The following TMEM117 variants were observed in gnomAD, a reference collection of about 807,000 sequenced individuals.
TMEM117 encodes the protein transmembrane protein 117.
A neutral mutation model predicts 52.4 loss-of-function variants in TMEM117; 27 were observed. The ratio of observed to expected loss-of-function variants is 0.51; its 90% CI spans 0.38 to 0.71. The LOEUF is 0.71. Ranked by LOEUF, TMEM117 falls within the 30% of genes least tolerant of loss-of-function variation. The pLI is 0.00. For missense variants in TMEM117, 556 were observed against 630.5 expected, an observed-to-expected ratio of 0.88 and a Z score of 1.26; for synonymous variants, 215 against 206.3, an observed-to-expected ratio of 1.04 and a Z score of -0.36.
the TMEM117 span, among the ~76,000 whole-genome samples, chr12:43,798,241 T>C: frequency 4.6e-5 from 7 of 152,150 alleles, no homozygotes; most frequent in Non-Finnish European, 7.4e-5. Flanking sequence ...ACAAACATCA[T>C]GCACTGAATT....
chr12:43,810,923 C>G, the TMEM117 span, among the ~76,000 whole-genome samples: 1 of 152,146 alleles, frequency 6.6e-6, no homozygotes, highest in East Asian at 1.9e-4. Context: ...TTAACTCTTA[C>G]ATTTTATGTT....
intron 3 of TMEM117, among the ~76,000 whole-genome samples, chr12:43,962,267 T>C (rs1945416411): frequency 6.6e-6 from 1 of 152,216 alleles, no homozygotes; most frequent in Non-Finnish European, 1.5e-5. Context: ...CTCTATTTCA[T>C]TTGCCTTTAG....
chr12:44,347,291 G>A lies in TMEM117; in HGVS notation c.769-29304G>A, dbSNP rs571622358. Among the ~76,000 whole-genome samples, 10 of 152,170 alleles carry A rather than the reference G, an allele frequency of 6.6e-5. No homozygotes were observed. The East Asian group carries it at 1.9e-3, about 30-fold the overall frequency. ...TAACCTCTACTTAGGGTACATAGAT[G>A]TAGAAATAAATATGAGTGCCAGAAA... On this transcript the variant is annotated intron_variant, in intron 6 of 7. Transcript: ENST00000266534.
chr12:44,199,615 C>T (rs1949466345), intron 4 of TMEM117, among the ~76,000 whole-genome samples: 1 of 152,086 alleles, frequency 6.6e-6, no homozygotes, highest in Admixed American at 6.6e-5. Flanking sequence ...GCACAAGGAA[C>T]TAAAAGAATG....
At chr12:44,084,420 C>T (rs891981331) in intron 3 of TMEM117, among the ~76,000 whole-genome samples, 5 of 151,774 alleles carry the variant, frequency 3.3e-5, no homozygotes, top group Admixed American at 6.6e-5. Flanking sequence ...AACATACTAT[C>T]GATAAAAAGG....
At position 44,186,849 on chromosome 12, in the gene TMEM117, G is replaced by A. The variant is rs538124742; in HGVS notation, c.511-24441G>A. Reference sequence around the variant, plus strand: ...TTTGTCTCCATTGTCCCAAAGCATCGTTGTCCTGTGCATGTGTTCTTGGTG... The same window carrying A: ...TTTGTCTCCATTGTCCCAAAGCATCATTGTCCTGTGCATGTGTTCTTGGTG... On this transcript the variant is annotated intron_variant, in intron 4 of 7. Coordinates refer to ENST00000266534, the MANE Select transcript of TMEM117 (RefSeq NM_032256.3). Among the ~76,000 whole-genome samples the A allele has an allele frequency of 1.3e-4, 20 of 152,244 alleles. 1 individual carries two copies. Among genetic ancestry groups the A allele is most frequent in the African/African-American group, 4.1e-4 (17 of 41,554 alleles).
chr12:43,891,628 A>C (rs375640821), intron 2 of TMEM117, among the ~76,000 whole-genome samples: 4 of 152,030 alleles, frequency 2.6e-5, no homozygotes, highest in South Asian at 2.1e-4. Context: ...GGCCTCCCAA[A>C]GTGCTGGGAT....
At chr12:43,801,836 C>G in the TMEM117 span, among the ~76,000 whole-genome samples, 1 of 152,162 alleles carries the variant, frequency 6.6e-6, no homozygotes, top group Non-Finnish European at 1.5e-5. Flanking sequence ...TTGAGACCAG[C>G]CTGGGCAACA....
At chr12:43,958,985 T>G (rs953113799) in intron 3 of TMEM117, among the ~76,000 whole-genome samples, 2 of 152,050 alleles carry the variant, frequency 1.3e-5, no homozygotes, top group Non-Finnish European at 2.9e-5. Context: ...TTTTTTGTAT[T>G]TTTAATAGAG....
chr12:43,941,679 A>C (rs1479376663), intron 2 of TMEM117, among the ~76,000 whole-genome samples: 1 of 152,192 alleles, frequency 6.6e-6, no homozygotes, highest in Non-Finnish European at 1.5e-5. Flanking sequence ...TTGACTGAAC[A>C]CTTGGGTCAT....
the TMEM117 span, among the ~76,000 whole-genome samples, chr12:43,830,488 T>TAAC: frequency 4.0e-5 from 6 of 151,432 alleles, no homozygotes; most frequent in African/African-American, 1.5e-4. Context: ...TGCACGCCTG[T>TAAC]AATCGCAGCT....
At chr12:44,070,911 G>C (rs995556512) in intron 3 of TMEM117, among the ~76,000 whole-genome samples, 1 of 152,126 alleles carries the variant, frequency 6.6e-6, no homozygotes, top group African/African-American at 2.4e-5. Flanking sequence ...AATGAAGAAA[G>C]CCAAGGAGTA....
At chr12:43,824,114 G>C in the TMEM117 span, among the ~76,000 whole-genome samples, 1 of 152,188 alleles carries the variant, frequency 6.6e-6, no homozygotes, top group African/African-American at 2.4e-5. Context: ...AAAGAGACTT[G>C]AGAAAGTTCA....
chr12:43,835,638 T>C (rs1399593363), upstream of TMEM117, among the ~76,000 whole-genome samples: 2 of 152,116 alleles, frequency 1.3e-5, no homozygotes, highest in Non-Finnish European at 2.9e-5. Context: ...TTTCGAAAGT[T>C]TGTAGCTCTT....
At position 44,123,254 on chromosome 12, in the gene TMEM117, T is replaced by G. The variant is rs571984458; in HGVS notation, c.411-20271T>G. ...CTACTTTTTAATGGGGTTTTTTTTT[T>G]CTCGTAAATTTGTTTAAGTTACATA... is the stretch of plus-strand genomic sequence containing the variant. On this transcript the variant is annotated intron_variant, in intron 3 of 7. Coordinates refer to ENST00000266534, the MANE Select transcript of TMEM117 (RefSeq NM_032256.3). Among the ~76,000 whole-genome samples, 18 of 152,108 alleles carry G rather than the reference T, an allele frequency of 1.2e-4. No individual in the cohort carries two copies. The East Asian group carries it at 3.3e-3, about 28-fold the overall frequency.
At chr12:44,348,136 C>T (rs936685915) in intron 6 of TMEM117, among the ~76,000 whole-genome samples, 14 of 151,740 alleles carry the variant, frequency 9.2e-5, no homozygotes, top group Non-Finnish European at 1.9e-4. Context: ...CAGAGCTCAA[C>T]ATAAAGTAGG....
At position 44,058,044 on chromosome 12, in the gene TMEM117, C is replaced by A. The variant is rs1440293983; in HGVS notation, c.411-85481C>A. On this transcript the variant is annotated intron_variant, in intron 3 of 7. Transcript: ENST00000266534. Reference sequence around the variant, plus strand: ...TTGCTGAAGCATTTTTAAATTCCAGCTATGTTAATAAGAAGCCATTTGAGA... The same window carrying A: ...TTGCTGAAGCATTTTTAAATTCCAGATATGTTAATAAGAAGCCATTTGAGA... Among the ~76,000 whole-genome samples the A allele has an allele frequency of 2.0e-5, 3 of 151,988 alleles. No individual in the cohort carries two copies. The East Asian group carries it at 5.8e-4, about 29-fold the overall frequency.
At chr12:43,932,733 C>T (rs901702953) in intron 2 of TMEM117, among the ~76,000 whole-genome samples, 1 of 152,096 alleles carries the variant, frequency 6.6e-6, no homozygotes, top group African/African-American at 2.4e-5. Flanking sequence ...CTATGATACT[C>T]CTAATCTGTC....
intron 5 of TMEM117, among the ~76,000 whole-genome samples, chr12:44,247,235 G>A (rs980306132): frequency 8.5e-5 from 13 of 152,212 alleles, no homozygotes; most frequent in Middle Eastern, 3.4e-3. Flanking sequence ...TCTCAAAAGC[G>A]AAGTCTGTAT....
Sources: gnomAD v4.1 joint callset for allele counts (sites outside exome capture counted in the v4.1 genomes callset) on GRCh38, gnomAD v4.1.1 for gene constraint, MANE v1.5 for transcripts, NCBI Gene and HGNC (gene_info 2026-07-23, HGNC 2026-07-21) for gene names.